DPP6: variants seen among roughly 807,000 people sequenced by gnomAD.
DPP6 encodes A-type potassium channel modulatory protein DPP6.
DPP6 carries 69 observed loss-of-function variants against 122.6 expected under a neutral mutation model. The observed-to-expected ratio is 0.56, with a 90% confidence interval of 0.46 to 0.69. The LOEUF is 0.69. Among genes scored for constraint, DPP6 ranks in the 30% least tolerant of loss-of-function variants. The pLI, the probability that DPP6 is intolerant of heterozygous loss-of-function variation, is 0.00. For synonymous variants in DPP6, 418 were observed against 433.1 expected, an observed-to-expected ratio of 0.97 and a Z score of 0.43; for missense variants, 928 against 1,116.9, an observed-to-expected ratio of 0.83 and a Z score of 2.41.
intron 4 of DPP6, 46 bp downstream of exon 4, chr7:154,540,672 T>A: frequency 8.4e-7 from 1 of 1,185,592 alleles, no homozygotes; most frequent in Non-Finnish European, 1.2e-6. Flanking sequence ...TTTTTCTTCC[T>A]GCAAGTCAAT....
intron 16 of DPP6, among the ~76,000 whole-genome samples, chr7:154,839,630 C>T (rs1277561873): frequency 6.6e-5 from 10 of 152,108 alleles, no homozygotes; most frequent in Admixed American, 6.5e-4. Flanking sequence ...TACGGTGGTG[C>T]CACAGAGGAG....
the DPP6 span, among the ~76,000 whole-genome samples, chr7:153,786,701 T>A: frequency 7.7e-6 from 1 of 129,750 alleles, no homozygotes. Flanking sequence ...ACCGCGCCAC[T>A]GCACTCCAGC....
At chr7:154,172,339 A>G (rs2150730745) in intron 1 of DPP6, among the ~76,000 whole-genome samples, 1 of 152,330 alleles carries the variant, frequency 6.6e-6, no homozygotes, top group East Asian at 1.9e-4. Flanking sequence ...ATTTAAGATG[A>G]GACTCAGGAG....
chr7:153,763,211 C>T, the DPP6 span, among the ~76,000 whole-genome samples: 2 of 151,868 alleles, frequency 1.3e-5, no homozygotes, highest in African/African-American at 4.8e-5. Context: ...TGAAATGTAC[C>T]ATTACGTAAA....
chr7:154,373,735 G>C lies in DPP6; in HGVS notation c.244-72479G>C, dbSNP rs1812872474. 2.6e-5 allele frequency among the ~76,000 whole-genome samples: 4 copies of C among 152,112 alleles called. No individual in the cohort carries two copies. The South Asian group carries it at 8.3e-4, about 32-fold the overall frequency. On this transcript the variant is annotated intron_variant, in intron 1 of 25. Transcript: ENST00000377770. ...AGGCATTTTCCACCATCCATCTCCA[G>C]GGCTTTTCCTTATCCCGAACGGAAA...
intron 17 of DPP6, among the ~76,000 whole-genome samples, chr7:154,861,849 T>C (rs1350291978): frequency 2.0e-5 from 3 of 152,216 alleles, no homozygotes; most frequent in African/African-American, 7.2e-5. Context: ...CGCTTCTTTT[T>C]GTTTCTGTAG....
chr7:153,932,424 A>G (rs1801216210), intron 1 of DPP6, among the ~76,000 whole-genome samples: 1 of 152,068 alleles, frequency 6.6e-6, no homozygotes, highest in Non-Finnish European at 1.5e-5. Flanking sequence ...TGCCCAGCCT[A>G]TCATTTTGTT....
intron 1 of DPP6, among the ~76,000 whole-genome samples, chr7:154,177,015 G>A (rs55887874): frequency 0.017 from 2,544 of 151,978 alleles, 54 homozygotes; most frequent in African/African-American, 0.059. Flanking sequence ...TGTATTTTTT[G>A]TAGAGATGGA....
At chr7:154,409,384 C>T (rs544210148) in intron 1 of DPP6, among the ~76,000 whole-genome samples, 10 of 152,286 alleles carry the variant, frequency 6.6e-5, no homozygotes, top group Admixed American at 2.6e-4. Flanking sequence ...GTCCTGCTGA[C>T]ACCTTCATCT....
the DPP6 span, among the ~76,000 whole-genome samples, chr7:153,853,613 T>G: frequency 6.6e-6 from 1 of 152,230 alleles, no homozygotes; most frequent in Non-Finnish European, 1.5e-5. Context: ...CCATCAGAGC[T>G]TGGAAGTACG....
chr7:154,743,771 G>C (rs1478164803), intron 8 of DPP6, among the ~76,000 whole-genome samples: 1 of 151,404 alleles, frequency 6.6e-6, no homozygotes, highest in African/African-American at 2.4e-5. Context: ...ATATACGCAG[G>C]GGATTGGTTC....
At chr7:154,176,552 C>T (rs1293876739) in intron 1 of DPP6, among the ~76,000 whole-genome samples, 1 of 152,232 alleles carries the variant, frequency 6.6e-6, no homozygotes, top group Non-Finnish European at 1.5e-5. Flanking sequence ...TGTGTGTTTT[C>T]ACTATATGTG....
chr7:153,881,836 A>G, the DPP6 span, among the ~76,000 whole-genome samples: 2 of 152,120 alleles, frequency 1.3e-5, no homozygotes. Flanking sequence ...TATAAAATGT[A>G]TTTCAGCTGT....
At chr7:154,643,727 C>A (rs10259619) in intron 6 of DPP6, among the ~76,000 whole-genome samples, 1 of 151,958 alleles carries the variant, frequency 6.6e-6, no homozygotes, top group Non-Finnish European at 1.5e-5. Flanking sequence ...CTCGGCCTCC[C>A]GAAGTGCTGG....
At position 154,572,932 on chromosome 7, in the gene DPP6, G is replaced by A. The variant is rs191787243; in HGVS notation, c.627+6016G>A. On this transcript the variant is annotated intron_variant, in intron 5 of 25. Transcript: ENST00000377770. ...TTACCTCATTTGATCCACCCGCCTC[G>A]GCCTCCCAAAATGCTGGGGTTACAG... Among the ~76,000 whole-genome samples the A allele has an allele frequency of 2.5e-4, 38 of 151,582 alleles. 1 individual carries two copies. Among genetic ancestry groups the A allele is most frequent in the African/African-American group, 8.2e-4 (34 of 41,324 alleles).
intron 19 of DPP6, among the ~76,000 whole-genome samples, chr7:154,874,714 C>G: frequency 6.6e-6 from 1 of 152,226 alleles, no homozygotes; most frequent in East Asian, 1.9e-4. Context: ...GCTGGAGCCA[C>G]TCTCAGTTGG....
intron 1 of DPP6, chr7:153,887,776 C>T (rs751154144): frequency 6.2e-7 from 1 of 1,603,428 alleles, no homozygotes; most frequent in East Asian, 2.2e-5. Context: ...CGGGGGGACC[C>T]ACCGTGAGGA....
At chr7:154,256,526 T>C (rs373872405) in intron 1 of DPP6, among the ~76,000 whole-genome samples, 1 of 152,230 alleles carries the variant, frequency 6.6e-6, no homozygotes, top group Non-Finnish European at 1.5e-5. Flanking sequence ...GAACCAGAGC[T>C]CACCCACCTA....
chr7:154,113,565 GT>G (rs1806762858), intron 1 of DPP6, among the ~76,000 whole-genome samples: 1 of 152,070 alleles, frequency 6.6e-6, no homozygotes, highest in African/African-American at 2.4e-5. Context: ...TTATGTGCCT[GT>G]TGGCCATTTG....
Sources: allele counts gnomAD v4.1 joint callset (sites outside exome capture counted in the v4.1 genomes callset), GRCh38; gene constraint gnomAD v4.1.1; transcripts MANE v1.5; gene names NCBI Gene and HGNC (gene_info 2026-07-23, HGNC 2026-07-21).